Variants in PCDHA9 observed in about 807,000 individuals in gnomAD.
The protein encoded by PCDHA9 is protocadherin alpha 9, also known as protocadherin alpha-9.
Under a neutral mutation model 62.0 loss-of-function variants are expected in PCDHA9, and 62 were observed. The ratio of observed to expected loss-of-function variants is 1.00; its 90% confidence interval spans 0.81 to 1.23. The LOEUF (loss-of-function observed/expected upper bound fraction) is 1.23. Among genes scored for constraint, PCDHA9 ranks in the 50% most tolerant of loss-of-function variants. The pLI is 0.00. For synonymous variants in PCDHA9, 557 were observed against 567.6 expected, an observed-to-expected ratio of 0.98 and a Z score of 0.27; for missense variants, 1,205 against 1,249.8, an observed-to-expected ratio of 0.96 and a Z score of 0.54.
intron 1 of PCDHA9, chr5:140,856,830 T>C (rs1554149191): frequency 2.5e-6 from 4 of 1,592,726 alleles, no homozygotes; most frequent in Non-Finnish European, 3.4e-6. Context: ...ACATTAGTAA[T>C]ACGGCTCAAC....
At position 140,871,554 on chromosome 5, in the gene PCDHA9, T is replaced by G. The variant is rs1554165730; in HGVS notation, c.2394+20665T>G. On this transcript the variant is annotated intron_variant, in intron 1 of 3. Transcript: ENST00000532602. The stretch of plus-strand genomic sequence containing the variant: ...GTATGTGAAATTATTTAAAATCCAG[T>G]TTTTTTTCACGGATTTTTTAAGGGA... 18 of 1,487,284 alleles carry G rather than the reference T, an allele frequency of 1.2e-5. 1 individual carries two copies. The highest frequency in any genetic ancestry group is 1.8e-4 in the Middle Eastern group (1 of 5,534). The allele number at this position is 1,487,284 out of a possible 1,614,324, so 92.1% of individuals were successfully genotyped here.
intron 1 of PCDHA9, among the ~76,000 whole-genome samples, chr5:140,961,983 A>C (rs941028423): frequency 1.3e-5 from 2 of 151,532 alleles, no homozygotes; most frequent in Non-Finnish European, 2.9e-5. Context: ...TCCTGGGTTC[A>C]CGCCATTGTC....
intron 1 of PCDHA9, among the ~76,000 whole-genome samples, chr5:140,897,068 T>A (rs2153455202): frequency 6.6e-6 from 1 of 152,252 alleles, no homozygotes; most frequent in East Asian, 1.9e-4. Context: ...CTATGTCTTA[T>A]TCATTTTTTC....
In PCDHA9 at chr5:140,850,278, C is replaced by T; in HGVS notation, c.1783C>T (p.Arg595Cys). The T allele has an allele frequency of 6.3e-7, 1 of 1,595,340 alleles. No homozygotes were observed. The highest frequency in any genetic ancestry group is 8.6e-7 in the Non-Finnish European group (1 of 1,167,542). ...VGAGVVVGKV[R>C]AVDADSGYNA... is the part of the protein sequence containing the mutation. ...CGCCGGCGTAGTGGTGGGGAAGGTGCGCGCAGTGGACGCCGACTCGGGCTA... is the reference window on the plus strand; with the variant it reads ...CGCCGGCGTAGTGGTGGGGAAGGTGTGCGCAGTGGACGCCGACTCGGGCTA... The change falls in exon 1 of 4, where the codon CGC (arginine) becomes TGC (cysteine). Residue 595 changes from arginine to cysteine, a missense_variant. This residue lies in a region of PCDHA9 where 887 missense variants were observed against 809.5 expected (regional missense o/e 1.10). Transcript: ENST00000532602.
intron 1 of PCDHA9, among the ~76,000 whole-genome samples, chr5:140,948,785 G>T (rs2094304738): frequency 6.6e-6 from 1 of 151,242 alleles, no homozygotes; most frequent in South Asian, 2.1e-4. Flanking sequence ...TTTTGGCTTT[G>T]TTGATATATT....
intron 3 of PCDHA9, among the ~76,000 whole-genome samples, chr5:140,998,401 CA>C (rs2097811473): frequency 6.6e-6 from 1 of 152,108 alleles, no homozygotes; most frequent in African/African-American, 2.4e-5. Context: ...ATCTTTATGC[CA>C]AAGTTTATCT....
At chr5:140,887,928 A>G (rs1345223604) in intron 1 of PCDHA9, among the ~76,000 whole-genome samples, 1 of 152,138 alleles carries the variant, frequency 6.6e-6, no homozygotes, top group Non-Finnish European at 1.5e-5. Flanking sequence ...TTCAGAGACC[A>G]TATTTATTTC....
chr5:140,973,411 C>G (rs545745437), intron 1 of PCDHA9, among the ~76,000 whole-genome samples: 2 of 152,326 alleles, frequency 1.3e-5, no homozygotes, highest in East Asian at 3.9e-4. Context: ...TGAGCTTCCA[C>G]TCCAGTTTTT....
intron 1 of PCDHA9, among the ~76,000 whole-genome samples, chr5:140,932,118 A>C (rs2088050775): frequency 6.6e-6 from 1 of 151,946 alleles, no homozygotes; most frequent in African/African-American, 2.4e-5. Flanking sequence ...CCAATTGATA[A>C]TATTTAAGAT....
chr5:140,884,797 T>A, intron 1 of PCDHA9: 1 of 1,276,990 alleles, frequency 7.8e-7, no homozygotes, highest in Non-Finnish European at 1.1e-6. Flanking sequence ...TTATCGAATT[T>A]AACAACTCTG....
intron 1 of PCDHA9, chr5:140,875,971 CTT>C: frequency 6.2e-7 from 1 of 1,614,030 alleles, no homozygotes. Flanking sequence ...CGTAAACTCT[CTT>C]TTGACCTATG....
chr5:140,869,384 A>G, intron 1 of PCDHA9: 1 of 1,614,120 alleles, frequency 6.2e-7, no homozygotes, highest in South Asian at 1.1e-5. Context: ...GACCGCGAGG[A>G]GCTGTGCGGG....
At chr5:140,999,977 C>T (rs1554257051) in intron 3 of PCDHA9, among the ~76,000 whole-genome samples, 1 of 152,068 alleles carries the variant, frequency 6.6e-6, no homozygotes, top group Non-Finnish European at 1.5e-5. Flanking sequence ...GCAGCTCTAG[C>T]GGCCTCTGGG....
Position 140,849,900 on chromosome 5 carries a change from C to T in PCDHA9, c.1405C>T (p.Pro469Ser). ...CACGGTGTTCGTGAAGGAGAACAAC[C>T]CGCCGGGCTGCCACATCTTCACGGT... ...EYTVFVKENN[P>S]PGCHIFTVSA... The change falls in exon 1 of 4, where the codon CCG (proline) becomes TCG (serine). Residue 469 changes from proline to serine, a missense_variant. Transcript: ENST00000532602. 6.3e-7 allele frequency: 1 copy of T among 1,598,532 alleles called. No individual in the cohort carries two copies. Among genetic ancestry groups the T allele is most frequent in the East Asian group, 2.2e-5 (1 of 44,856 alleles).
At chr5:140,934,988 C>A (rs901740982) in intron 1 of PCDHA9, among the ~76,000 whole-genome samples, 5 of 152,154 alleles carry the variant, frequency 3.3e-5, no homozygotes, top group Non-Finnish European at 7.4e-5. Context: ...AGTGATAACA[C>A]CCTGAATCCT....
intron 1 of PCDHA9, among the ~76,000 whole-genome samples, chr5:140,956,676 G>A (rs1281224695): frequency 5.3e-5 from 8 of 152,126 alleles, no homozygotes; most frequent in Admixed American, 2.0e-4. Flanking sequence ...GAGTTAGGGA[G>A]GAGTACCTCC....
intron 1 of PCDHA9, among the ~76,000 whole-genome samples, chr5:140,962,075 C>T (rs999623991): frequency 6.6e-6 from 1 of 151,836 alleles, no homozygotes; most frequent in South Asian, 2.1e-4. Context: ...TTAGTAGAGA[C>T]GGGGTTTCAC....
Position 140,848,506 on chromosome 5 carries a change from C to A in PCDHA9, c.11C>A (p.Ser4Ter), listed in dbSNP as rs1229499943. The A allele has an allele frequency of 6.3e-7, 1 of 1,588,430 alleles. No individual in the cohort carries two copies. ...GACTGAGTATTTGAAATGTTATACT[C>A]AAGTCGAGGAGATCCAGAGGGTCAG... The part of the protein sequence containing the change: MLY[S>*]SRGDPEGQPL... Residue 4 changes from serine to a stop codon, truncating the protein, a stop_gained, in exon 1 of 4, where the codon TCA becomes TAA. Transcript: ENST00000532602. LOFTEE classifies it high-confidence loss of function.
chr5:140,901,268 T>C (rs185427298), intron 1 of PCDHA9, among the ~76,000 whole-genome samples: 57 of 152,328 alleles, frequency 3.7e-4, no homozygotes, highest in African/African-American at 1.3e-3. Context: ...TGTGGGGTAT[T>C]ACTCAAGAAA....
Sources: gnomAD v4.1 joint callset for allele counts (sites outside exome capture counted in the v4.1 genomes callset) on GRCh38, gnomAD v4.1.1 for gene constraint, gnomAD v4.1.1 regional missense constraint, MANE v1.5 for transcripts, NCBI Gene and HGNC (gene_info 2026-07-23, HGNC 2026-07-21) for gene names.